Variants in ST6GALNAC3 observed in about 807,000 individuals in gnomAD.
ST6GALNAC3 encodes the protein ST6 N-acetylgalactosaminide alpha-2,6-sialyltransferase 3, also known as alpha-N-acetylgalactosaminide alpha-2,6-sialyltransferase 3.
In ST6GALNAC3, 25 loss-of-function variants were observed where a neutral mutation model predicts 32.7. The observed-to-expected ratio is 0.76, with a 90% confidence interval of 0.56 to 1.07. The LOEUF (loss-of-function observed/expected upper bound fraction) is 1.07. Among genes scored for constraint, ST6GALNAC3 ranks in the 50% least tolerant of loss-of-function variants. ST6GALNAC3 has a pLI of 0.00. For synonymous variants in ST6GALNAC3, 129 were observed against 133.1 expected (o/e 0.97, Z 0.21); for missense variants, 355 against 382.4 (o/e 0.93, Z 0.60).
At chr1:76,264,282 C>T (rs1180214425) in intron 1 of ST6GALNAC3, among the ~76,000 whole-genome samples, 2 of 152,136 alleles carry the variant, frequency 1.3e-5, no homozygotes, top group African/African-American at 4.8e-5. Context: ...TCATATTGCA[C>T]TGAATTCATT....
At chr1:76,395,011 C>G (rs1050093004) in intron 2 of ST6GALNAC3, among the ~76,000 whole-genome samples, 4 of 152,062 alleles carry the variant, frequency 2.6e-5, no homozygotes, top group Non-Finnish European at 5.9e-5. Flanking sequence ...CATTTTATGG[C>G]AATTGGTCTG....
At chr1:76,530,294 C>T (rs1274121392) in intron 3 of ST6GALNAC3, among the ~76,000 whole-genome samples, 1 of 152,182 alleles carries the variant, frequency 6.6e-6, no homozygotes, top group Non-Finnish European at 1.5e-5. Flanking sequence ...AATCGTAGTA[C>T]TTCTTAACCT....
chr1:76,107,135 C>T (rs973790529), intron 1 of ST6GALNAC3, among the ~76,000 whole-genome samples: 7 of 152,206 alleles, frequency 4.6e-5, no homozygotes, highest in African/African-American at 1.7e-4. Context: ...GGGTTTACAG[C>T]TGTACTGCAA....
rs554550709 is a variant in ST6GALNAC3, at chr1:76,099,390, C to T, written c.18+24506C>T. 4.6e-4 allele frequency among the ~76,000 whole-genome samples: 70 copies of T among 152,144 alleles called. 1 individual carries two copies. Among genetic ancestry groups the T allele is most frequent in the South Asian group, 2.9e-3 (14 of 4,812 alleles). ...TCCAAGTGAAATGAAAACGTATGTC[C>T]ACAAAAGAGTGGTACATGCATATAT... On this transcript the variant is annotated intron_variant, in intron 1 of 4. Coordinates refer to ENST00000328299, the MANE Select transcript of ST6GALNAC3 (RefSeq NM_152996.4).
At chr1:76,627,204 C>T (rs1287110456) in intron 3 of ST6GALNAC3, among the ~76,000 whole-genome samples, 2 of 151,956 alleles carry the variant, frequency 1.3e-5, no homozygotes, top group Non-Finnish European at 2.9e-5. Context: ...TGCTATATGG[C>T]TTCTCTTCCA....
intron 1 of ST6GALNAC3, among the ~76,000 whole-genome samples, chr1:76,132,110 A>G (rs1252074855): frequency 1.3e-5 from 2 of 152,046 alleles, no homozygotes. Context: ...GCTTGTTTTC[A>G]TACTCTCCCC....
chr1:76,112,109 G>A (rs1267742258), intron 1 of ST6GALNAC3, among the ~76,000 whole-genome samples: 3 of 144,156 alleles, frequency 2.1e-5, no homozygotes, highest in African/African-American at 7.8e-5. Context: ...GGCTGGCCGG[G>A]CGGGGGGCTG....
chr1:76,183,415 CTA>C (rs1653316814), intron 1 of ST6GALNAC3, among the ~76,000 whole-genome samples: 1 of 151,894 alleles, frequency 6.6e-6, no homozygotes, highest in Non-Finnish European at 1.5e-5. Flanking sequence ...CAAATAATGA[CTA>C]TATACACATA....
intron 3 of ST6GALNAC3, among the ~76,000 whole-genome samples, chr1:76,626,943 T>C (rs1229878279): frequency 6.6e-6 from 1 of 151,952 alleles, no homozygotes; most frequent in Non-Finnish European, 1.5e-5. Flanking sequence ...AGAAATCTTT[T>C]CAGATGCTTT....
chr1:76,109,940 G>C (rs894677672), intron 1 of ST6GALNAC3, among the ~76,000 whole-genome samples: 1 of 152,164 alleles, frequency 6.6e-6, no homozygotes, highest in Non-Finnish European at 1.5e-5. Context: ...AAAAAGACCA[G>C]AATTTGAAAA....
At chr1:76,338,952 C>T (rs1024053881) in intron 2 of ST6GALNAC3, among the ~76,000 whole-genome samples, 10 of 152,180 alleles carry the variant, frequency 6.6e-5, no homozygotes, top group African/African-American at 2.2e-4. Context: ...GAATAGCTCT[C>T]CAACCACTGT....
At chr1:76,326,637 G>A (rs571787528) in intron 2 of ST6GALNAC3, among the ~76,000 whole-genome samples, 2 of 152,102 alleles carry the variant, frequency 1.3e-5, no homozygotes, top group South Asian at 4.2e-4. Flanking sequence ...GTGGTATCTA[G>A]TAGGAGCTTA....
chr1:76,566,096 G>A (rs1481636960), intron 3 of ST6GALNAC3, among the ~76,000 whole-genome samples: 3 of 152,142 alleles, frequency 2.0e-5, no homozygotes, highest in African/African-American at 4.8e-5. Context: ...GTAATGATTA[G>A]GTAACAGTGA....
intron 3 of ST6GALNAC3, among the ~76,000 whole-genome samples, chr1:76,552,945 A>G (rs962863366): frequency 2.0e-5 from 3 of 152,166 alleles, no homozygotes; most frequent in African/African-American, 4.8e-5. Flanking sequence ...GACATAAAAG[A>G]ATGTTAAATT....
chr1:76,115,970 T>C (rs1013749410), intron 1 of ST6GALNAC3, among the ~76,000 whole-genome samples: 1 of 152,212 alleles, frequency 6.6e-6, no homozygotes. Flanking sequence ...TGGAATTACA[T>C]ACAAACTGGA....
intron 3 of ST6GALNAC3, among the ~76,000 whole-genome samples, chr1:76,524,923 C>T (rs935747219): frequency 2.0e-5 from 3 of 151,662 alleles, no homozygotes; most frequent in Non-Finnish European, 2.9e-5. Context: ...TATCTCCTAA[C>T]ATTTATATTT....
chr1:76,558,069 A>G (rs1665031863), intron 3 of ST6GALNAC3, among the ~76,000 whole-genome samples: 1 of 152,168 alleles, frequency 6.6e-6, no homozygotes. Flanking sequence ...CAGAATGGCT[A>G]TTACTACAAA....
intron 3 of ST6GALNAC3, among the ~76,000 whole-genome samples, chr1:76,467,601 G>C (rs1412209048): frequency 6.6e-6 from 1 of 151,786 alleles, no homozygotes; most frequent in Admixed American, 6.6e-5. Flanking sequence ...GTGAAAAAGG[G>C]AGATAAAAAT....
Position 76,113,014 on chromosome 1 carries a change from C to T in ST6GALNAC3, c.18+38130C>T, listed in dbSNP as rs982655132. ...CTGGGAGGTAGAGGTTGTAGCGAGC[C>T]GAGATCACGCCACTGCACTCCAGCC... On this transcript the variant is annotated intron_variant, in intron 1 of 4. Transcript: ENST00000328299. 3.9e-5 allele frequency among the ~76,000 whole-genome samples: 6 copies of T among 152,144 alleles called. No individual in the cohort carries two copies. The South Asian group carries it at 6.2e-4, about 16-fold the overall frequency.
Sources: gnomAD v4.1 joint callset for allele counts (sites outside exome capture counted in the v4.1 genomes callset) on GRCh38, gnomAD v4.1.1 for gene constraint, MANE v1.5 for transcripts, NCBI Gene and HGNC (gene_info 2026-07-23, HGNC 2026-07-21) for gene names.